Variants in ARHGAP15 observed in about 807,000 individuals in gnomAD.
The protein encoded by ARHGAP15 is Rho GTPase activating protein 15.
In ARHGAP15, 51 loss-of-function variants were observed where a neutral mutation model predicts 63.7. The ratio of observed to expected loss-of-function variants is 0.80; its 90% confidence interval spans 0.64 to 1.01. The LOEUF is 1.01. Among genes scored for constraint, ARHGAP15 ranks in the 50% least tolerant of loss-of-function variants. ARHGAP15 has a pLI of 0.00. For synonymous variants in ARHGAP15, 191 were observed against 193.8 expected (o/e 0.99, Z 0.12); for missense variants, 560 against 564.6 (o/e 0.99, Z 0.08).
At chr2:143,483,304 A>G (rs917349490) in intron 8 of ARHGAP15, among the ~76,000 whole-genome samples, 31 of 152,164 alleles carry the variant, frequency 2.0e-4, no homozygotes, top group Non-Finnish European at 1.5e-5. Context: ...ATAATCTAGC[A>G]TTTATACGTC....
At chr2:143,416,174 C>A (rs1332395397) in intron 6 of ARHGAP15, among the ~76,000 whole-genome samples, 1 of 149,832 alleles carries the variant, frequency 6.7e-6, no homozygotes, top group Non-Finnish European at 1.5e-5. Context: ...TTAGTTGCAG[C>A]AAACCACCGT....
chr2:143,638,564 G>A (rs1292949260), intron 12 of ARHGAP15, among the ~76,000 whole-genome samples: 1 of 149,648 alleles, frequency 6.7e-6, no homozygotes, highest in African/African-American at 2.5e-5. Context: ...TGACGAGTTA[G>A]TGGGTGCAGC....
intron 10 of ARHGAP15, among the ~76,000 whole-genome samples, chr2:143,538,775 G>A (rs1004210652): frequency 2.0e-5 from 3 of 152,080 alleles, no homozygotes; most frequent in Non-Finnish European, 2.9e-5. Context: ...TGCTGGATTC[G>A]GTTTGCCAGT....
intron 8 of ARHGAP15, among the ~76,000 whole-genome samples, chr2:143,451,946 C>G (rs947274282): frequency 1.3e-5 from 2 of 152,012 alleles, no homozygotes; most frequent in African/African-American, 4.8e-5. Context: ...CTTCCTCACT[C>G]AGTTAGCTAA....
rs959222895 is a variant in ARHGAP15 at position 143,506,860 on chromosome 2, A to C, written c.827-12406A>C. Among the ~76,000 whole-genome samples, 3 of 149,574 alleles carry C rather than the reference A, an allele frequency of 2.0e-5. No homozygotes were observed. In the South Asian group the frequency reaches 6.5e-4, roughly 32 times the overall value. On this transcript the variant is annotated intron_variant, in intron 9 of 13. Coordinates refer to ENST00000295095, the MANE Select transcript of ARHGAP15 (RefSeq NM_018460.4). ...TGTCCTACTGTGGTCTGTTAGAAAAAAATATTGAAATATTAGGGTATTTTC... is the reference window on the plus strand; with the variant it reads ...TGTCCTACTGTGGTCTGTTAGAAAACAATATTGAAATATTAGGGTATTTTC...
chr2:143,594,734 A>T (rs1697446525), intron 11 of ARHGAP15, among the ~76,000 whole-genome samples: 1 of 152,184 alleles, frequency 6.6e-6, no homozygotes, highest in Admixed American at 6.5e-5. Context: ...ATGGAACATG[A>T]CACATAATAT....
At chr2:143,184,932 G>A (rs186556668) in intron 2 of ARHGAP15, among the ~76,000 whole-genome samples, 8 of 149,692 alleles carry the variant, frequency 5.3e-5, no homozygotes, top group African/African-American at 9.9e-5. Context: ...ATCTTCCCTC[G>A]TTGGTTTCCC....
At chr2:143,504,688 A>G (rs1235673639) in intron 9 of ARHGAP15, among the ~76,000 whole-genome samples, 1 of 152,172 alleles carries the variant, frequency 6.6e-6, no homozygotes, top group Non-Finnish European at 1.5e-5. Context: ...TTGATGAATT[A>G]CTGTCTTTTG....
chr2:143,392,086 T>C (rs1687560725), intron 6 of ARHGAP15, among the ~76,000 whole-genome samples: 1 of 152,156 alleles, frequency 6.6e-6, no homozygotes, highest in Non-Finnish European at 1.5e-5. Flanking sequence ...CAGAAACTTA[T>C]CATGCTCTGA....
At chr2:143,593,697 A>G (rs937282524) in intron 11 of ARHGAP15, among the ~76,000 whole-genome samples, 5 of 152,198 alleles carry the variant, frequency 3.3e-5, no homozygotes, top group Non-Finnish European at 7.4e-5. Context: ...CAGCCATAGC[A>G]CATATTATTT....
intron 6 of ARHGAP15, among the ~76,000 whole-genome samples, chr2:143,416,713 C>T (rs888839961): frequency 2.6e-5 from 4 of 152,080 alleles, no homozygotes; most frequent in African/African-American, 9.7e-5. Flanking sequence ...ATTGTTCTCA[C>T]GGGCACAGCA....
chr2:143,549,055 C>A (rs930869125), intron 10 of ARHGAP15, among the ~76,000 whole-genome samples: 1 of 152,098 alleles, frequency 6.6e-6, no homozygotes, highest in Admixed American at 6.6e-5. Flanking sequence ...ATACTTCCAA[C>A]ATTAGAATTG....
intron 9 of ARHGAP15, among the ~76,000 whole-genome samples, chr2:143,505,304 A>C (rs1039902341): frequency 1.3e-5 from 2 of 152,212 alleles, no homozygotes. Flanking sequence ...CTGGAAACAT[A>C]ACTGTCAAGC....
At chr2:143,608,600 C>T (rs1698133185) in intron 11 of ARHGAP15, 1 of 152,184 alleles carries the variant, frequency 6.6e-6, no homozygotes, top group Non-Finnish European at 1.5e-5. Flanking sequence ...TGTCAGAAAG[C>T]AGTACTGAGT....
intron 5 of ARHGAP15, among the ~76,000 whole-genome samples, chr2:143,245,459 A>T (rs919518859): frequency 2.0e-5 from 3 of 152,212 alleles, no homozygotes; most frequent in Non-Finnish European, 4.4e-5. Flanking sequence ...AAGTCAAAGA[A>T]GGAAGTAAAT....
At chr2:143,140,117 A>G (rs1689301802) in intron 1 of ARHGAP15, among the ~76,000 whole-genome samples, 1 of 152,198 alleles carries the variant, frequency 6.6e-6, no homozygotes, top group South Asian at 2.1e-4. Flanking sequence ...TGTAAAAATC[A>G]TGCTATGATA....
intron 6 of ARHGAP15, among the ~76,000 whole-genome samples, chr2:143,258,583 C>A (rs149599955): frequency 6.6e-6 from 1 of 152,062 alleles, no homozygotes; most frequent in African/African-American, 2.4e-5. Flanking sequence ...GTTAAGGATT[C>A]TTGGTATTTG....
chr2:143,260,248 TG>T (rs1170418138), intron 6 of ARHGAP15, among the ~76,000 whole-genome samples: 1 of 152,198 alleles, frequency 6.6e-6, no homozygotes, highest in Non-Finnish European at 1.5e-5. Context: ...GAAATTTTGA[TG>T]ATTCTCAAGC....
chr2:143,608,291 G>T (rs1285424982), intron 11 of ARHGAP15: 10 of 152,168 alleles, frequency 6.6e-5, no homozygotes, highest in Admixed American at 5.9e-4. Context: ...GTACTTGGTG[G>T]GGGACTGGGA....
Sources: allele counts gnomAD v4.1 joint callset (sites outside exome capture counted in the v4.1 genomes callset), GRCh38; gene constraint gnomAD v4.1.1; transcripts MANE v1.5; gene names NCBI Gene and HGNC (gene_info 2026-07-23, HGNC 2026-07-21).